The following TMEM132C variants were observed in gnomAD, a reference collection of about 807,000 sequenced individuals.
TMEM132C encodes the protein protein phosphatase 1, regulatory subunit 152.
TMEM132C carries 29 observed loss-of-function variants against 61.4 expected under a neutral mutation model. The observed-to-expected ratio is 0.47, with a 90% CI of 0.35 to 0.64. The LOEUF is 0.64. Among genes scored for constraint, TMEM132C ranks in the 30% least tolerant of loss-of-function variants. The probability of loss-of-function intolerance (pLI) is 0.00; values close to 1 mark genes in which losing one functional copy is unlikely to be tolerated. For synonymous variants in TMEM132C, 656 were observed against 633.1 expected, an observed-to-expected ratio of 1.04 and a Z score of -0.54; for missense variants, 1,408 against 1,476.9, an observed-to-expected ratio of 0.95 and a Z score of 0.76.
chr12:128,548,884 G>A (rs1343052534), intron 3 of TMEM132C, among the ~76,000 whole-genome samples: 1 of 152,158 alleles, frequency 6.6e-6, no homozygotes. Flanking sequence ...AAATAATCTA[G>A]AGATGATTTA....
intron 1 of TMEM132C, among the ~76,000 whole-genome samples, chr12:128,355,169 C>G (rs1219352927): frequency 6.6e-6 from 1 of 152,080 alleles, no homozygotes; most frequent in East Asian, 1.9e-4. Context: ...AAGAAACAAC[C>G]CTAGGATTGA....
chr12:128,481,615 C>G, intron 2 of TMEM132C, among the ~76,000 whole-genome samples: 1 of 152,248 alleles, frequency 6.6e-6, no homozygotes, highest in Non-Finnish European at 1.5e-5. Context: ...GAGTGAGTGT[C>G]AAAGCGCAGG....
chr12:128,393,009 C>T (rs1216185353), intron 1 of TMEM132C, among the ~76,000 whole-genome samples: 1 of 152,210 alleles, frequency 6.6e-6, no homozygotes, highest in Non-Finnish European at 1.5e-5. Flanking sequence ...CTGCTAGTTA[C>T]AGAAACCTAA....
intron 1 of TMEM132C, among the ~76,000 whole-genome samples, chr12:128,276,339 C>T (rs911808258): frequency 3.9e-5 from 6 of 152,084 alleles, no homozygotes; most frequent in African/African-American, 1.4e-4. Flanking sequence ...ATTTAAAACA[C>T]AAAGCAAAGA....
intron 3 of TMEM132C, among the ~76,000 whole-genome samples, chr12:128,575,294 C>T (rs1875048316): frequency 6.6e-6 from 1 of 152,138 alleles, no homozygotes; most frequent in African/African-American, 2.4e-5. Context: ...TCCTGGCCAC[C>T]ATGGTGAAAC....
intron 4 of TMEM132C, among the ~76,000 whole-genome samples, chr12:128,624,039 G>T (rs554650286): frequency 6.6e-6 from 1 of 152,278 alleles, no homozygotes; most frequent in Non-Finnish European, 1.5e-5. Flanking sequence ...CCACAGTGTT[G>T]ATTAATGACA....
At chr12:128,703,278 C>A (rs1954815613) in intron 8 of TMEM132C, among the ~76,000 whole-genome samples, 2 of 151,770 alleles carry the variant, frequency 1.3e-5, no homozygotes, top group African/African-American at 4.8e-5. Flanking sequence ...AGTTATTATT[C>A]TTGATCCTCT....
At chr12:128,676,086 G>A (rs1954583898) in intron 5 of TMEM132C, among the ~76,000 whole-genome samples, 1 of 151,984 alleles carries the variant, frequency 6.6e-6, no homozygotes, top group South Asian at 2.1e-4. Context: ...TTTGTCAGTT[G>A]GCCAACCGTG....
At chr12:128,268,670 A>G (rs1260296532) in intron 1 of TMEM132C, among the ~76,000 whole-genome samples, 1 of 152,112 alleles carries the variant, frequency 6.6e-6, no homozygotes, top group Non-Finnish European at 1.5e-5. Flanking sequence ...TCTGAGGCTG[A>G]GCTAGAAATG....
rs995938463 is a variant in TMEM132C, at chr12:128,544,157, C to T, written c.1121+54C>T. ...GTGGTTCCTGGTCCCGGGCCCAGGCCGGCTGGTGCGTAAGAGCCTTGACTT... is the reference window on the plus strand; with the variant it reads ...GTGGTTCCTGGTCCCGGGCCCAGGCTGGCTGGTGCGTAAGAGCCTTGACTT... On this transcript the variant is annotated intron_variant, in intron 3 of 8. Transcript: ENST00000435159. 65 of 1,452,676 alleles carry T rather than the reference C, an allele frequency of 4.5e-5. 1 individual carries two copies. In the Admixed American group the frequency reaches 5.4e-4, roughly 12 times the overall value. 90.0% of individuals were successfully genotyped at this position (1,452,676 alleles called of 1,614,324 possible). A position where few individuals can be genotyped will look rare whatever the true frequency, so the allele number is the denominator to read the frequency against.
chr12:128,434,974 C>G (rs1406871413), intron 2 of TMEM132C, among the ~76,000 whole-genome samples: 1 of 152,088 alleles, frequency 6.6e-6, no homozygotes, highest in East Asian at 1.9e-4. Context: ...TGAATTGTGT[C>G]TCTCAAAATT....
intron 7 of TMEM132C, among the ~76,000 whole-genome samples, chr12:128,696,407 C>T (rs778082247): frequency 1.3e-4 from 20 of 152,306 alleles, no homozygotes; most frequent in South Asian, 4.1e-4. Context: ...ACTTTTCTAA[C>T]TTTTTCCCCC....
intron 1 of TMEM132C, among the ~76,000 whole-genome samples, chr12:128,268,970 G>C (rs1466845765): frequency 9.7e-6 from 1 of 102,794 alleles, no homozygotes; most frequent in Non-Finnish European, 1.9e-5. Context: ...CGAGGGAAAG[G>C]GGGGGCAAGT....
At chr12:128,615,720 C>T (rs1425543730) in intron 3 of TMEM132C, among the ~76,000 whole-genome samples, 1 of 152,132 alleles carries the variant, frequency 6.6e-6, no homozygotes, top group African/African-American at 2.4e-5. Flanking sequence ...GCTGTGCAGC[C>T]CTATTCCTAA....
intron 1 of TMEM132C, among the ~76,000 whole-genome samples, chr12:128,290,739 C>T (rs1871220050): frequency 6.6e-6 from 1 of 151,858 alleles, no homozygotes; most frequent in African/African-American, 2.4e-5. Context: ...GATTTTTCTC[C>T]ACTCCTTCTC....
intron 1 of TMEM132C, among the ~76,000 whole-genome samples, chr12:128,316,070 G>A (rs1427351519): frequency 3.9e-5 from 6 of 151,930 alleles, no homozygotes; most frequent in Non-Finnish European, 2.9e-5. Flanking sequence ...AGATTGAAGT[G>A]CATTTAGAGA....
rs994066093 is a variant in TMEM132C, at chr12:128,693,006, G to A, written c.1450-823G>A. 6.6e-5 allele frequency among the ~76,000 whole-genome samples: 10 copies of A among 152,248 alleles called. No homozygotes were observed. In the Middle Eastern group the frequency reaches 0.01, roughly 155 times the overall value. On this transcript the variant is annotated intron_variant, in intron 5 of 8. Coordinates refer to ENST00000435159, the MANE Select transcript of TMEM132C (RefSeq NM_001136103.3). ...GATCTGCCATTCACATAACGAACAC[G>A]TATTATATAAATAATCCCACGGGGT...
At chr12:128,638,878 G>A (rs1429194243) in intron 4 of TMEM132C, among the ~76,000 whole-genome samples, 1 of 109,752 alleles carries the variant, frequency 9.1e-6, no homozygotes, top group Non-Finnish European at 2.0e-5. Context: ...GAGGAGAATG[G>A]TGATGATGGT....
intron 2 of TMEM132C, among the ~76,000 whole-genome samples, chr12:128,518,179 T>C (rs1038173129): frequency 3.9e-5 from 6 of 152,254 alleles, no homozygotes; most frequent in African/African-American, 7.2e-5. Flanking sequence ...GGATAAAGCT[T>C]GCATTTTCTG....
Sources: allele counts gnomAD v4.1 joint callset (sites outside exome capture counted in the v4.1 genomes callset), GRCh38; gene constraint gnomAD v4.1.1; transcripts MANE v1.5; gene names NCBI Gene and HGNC (gene_info 2026-07-23, HGNC 2026-07-21).